Variants in NAALADL2 observed in about 807,000 individuals in gnomAD.
NAALADL2 encodes the protein N-acetylated alpha-linked acidic dipeptidase like 2.
A neutral mutation model predicts 87.2 loss-of-function variants in NAALADL2; 76 were observed. The observed-to-expected ratio is 0.87, with a 90% CI of 0.72 to 1.05. NAALADL2 has a LOEUF of 1.05. Ranked by LOEUF, NAALADL2 falls within the 50% of genes least tolerant of loss-of-function variation. The pLI, the probability that NAALADL2 is intolerant of heterozygous loss-of-function variation, is 0.00. For missense variants in NAALADL2, 1,089 were observed against 945.8 expected (o/e 1.15, Z -1.99); for synonymous variants, 354 against 331.0 (o/e 1.07, Z -0.75).
intron 3 of NAALADL2, among the ~76,000 whole-genome samples, chr3:174,839,124 T>C (rs1461596588): frequency 2.6e-5 from 4 of 152,138 alleles, no homozygotes; most frequent in Admixed American, 2.6e-4. Context: ...CAAAACAGAA[T>C]GGTACTGTTA....
chr3:175,322,895 G>A (rs1019464469), intron 4 of NAALADL2, among the ~76,000 whole-genome samples: 4 of 151,206 alleles, frequency 2.6e-5, no homozygotes, highest in Non-Finnish European at 5.9e-5. Context: ...TGGTGGGACT[G>A]TAAACTAGTT....
chr3:175,579,323 A>G (rs574318650), intron 10 of NAALADL2, among the ~76,000 whole-genome samples: 4 of 152,306 alleles, frequency 2.6e-5, no homozygotes, highest in East Asian at 3.9e-4. Flanking sequence ...AAAATAAACT[A>G]GTGCAATAGA....
At chr3:175,360,568 T>C (rs1764876681) in intron 5 of NAALADL2, among the ~76,000 whole-genome samples, 1 of 152,178 alleles carries the variant, frequency 6.6e-6, no homozygotes. Flanking sequence ...ATATAAGTGT[T>C]GAGATACAGC....
chr3:174,548,924 C>G (rs1181796719), intron 1 of NAALADL2, among the ~76,000 whole-genome samples: 1 of 152,196 alleles, frequency 6.6e-6, no homozygotes, highest in East Asian at 1.9e-4. Flanking sequence ...ACTGCAGCCC[C>G]AATCTCTCTG....
chr3:174,788,640 A>G (rs1200308009), intron 3 of NAALADL2, among the ~76,000 whole-genome samples: 1 of 152,146 alleles, frequency 6.6e-6, no homozygotes, highest in Non-Finnish European at 1.5e-5. Context: ...CTCCAAATAC[A>G]GTAACATTCT....
At chr3:175,617,767 G>A (rs1315716004) in intron 10 of NAALADL2, among the ~76,000 whole-genome samples, 1 of 152,164 alleles carries the variant, frequency 6.6e-6, no homozygotes. Context: ...AACTGAATCA[G>A]GAGCTAGAGA....
In NAALADL2 at chr3:174,980,446, G is replaced by A. The variant is rs373119048; in HGVS notation, c.44-116344G>A. 5.9e-5 allele frequency among the ~76,000 whole-genome samples: 9 copies of A among 152,214 alleles called. No individual in the cohort carries two copies. In the East Asian group the frequency reaches 1.7e-3, roughly 29 times the overall value. On this transcript the variant is annotated intron_variant, in intron 1 of 13. Coordinates refer to ENST00000454872, the MANE Select transcript of NAALADL2 (RefSeq NM_207015.3). The stretch of plus-strand genomic sequence containing the variant: ...ACCCAGGAGTTTGAGGCTGCAGTCT[G>A]CTATGATCAAGCCTGTGAATACCCA...
At chr3:174,904,758 T>C (rs114761915) in intron 1 of NAALADL2, among the ~76,000 whole-genome samples, 2,454 of 151,968 alleles carry the variant, frequency 0.016, 98 homozygotes, top group African/African-American at 0.057. Context: ...GTTCTCATAC[T>C]CTTTATAGCT....
At chr3:174,662,889 A>G (rs112608649) in intron 2 of NAALADL2, among the ~76,000 whole-genome samples, 2 of 152,196 alleles carry the variant, frequency 1.3e-5, no homozygotes, top group African/African-American at 4.8e-5. Context: ...TCATGATGTT[A>G]TCAGTGGGTC....
chr3:175,284,606 G>T (rs796888050), intron 4 of NAALADL2, among the ~76,000 whole-genome samples: 1 of 151,882 alleles, frequency 6.6e-6, no homozygotes, highest in South Asian at 2.1e-4. Flanking sequence ...ACATTCATTT[G>T]GCAGTGACTA....
chr3:175,428,250 A>T (rs1560534706), intron 5 of NAALADL2, among the ~76,000 whole-genome samples: 1 of 152,134 alleles, frequency 6.6e-6, no homozygotes, highest in Non-Finnish European at 1.5e-5. Context: ...TGTACCTTTA[A>T]CAGATAGCTA....
intron 10 of NAALADL2, among the ~76,000 whole-genome samples, chr3:175,625,742 T>C (rs1423450086): frequency 6.6e-6 from 1 of 151,922 alleles, no homozygotes; most frequent in Non-Finnish European, 1.5e-5. Context: ...CATGGTATGA[T>C]CTTGGGCTAG....
intron 1 of NAALADL2, among the ~76,000 whole-genome samples, chr3:174,472,079 C>T (rs1339923272): frequency 6.6e-6 from 1 of 152,080 alleles, no homozygotes; most frequent in Non-Finnish European, 1.5e-5. Context: ...ATTTATTTTT[C>T]CATGTCATCC....
upstream of NAALADL2, among the ~76,000 whole-genome samples, chr3:174,856,065 G>A (rs201357086): frequency 8.6e-5 from 13 of 151,522 alleles, no homozygotes; most frequent in East Asian, 2.5e-3. Flanking sequence ...GGAGTCCAGT[G>A]GTATGATCAT....
rs375387688 is a variant in NAALADL2, at chr3:174,460,794, A to C, written c.-184+19762A>C. Among the ~76,000 whole-genome samples the C allele has an allele frequency of 8.3e-4, 126 of 152,134 alleles. No homozygotes were observed. The South Asian group carries it at 0.022, about 26-fold the overall frequency. Reference sequence around the variant, plus strand: ...TTGTTTGCAAAAATATTAAAATTTTAAATTAGTGTGAGTTTGTTTTGTTGA... The same window carrying C: ...TTGTTTGCAAAAATATTAAAATTTTCAATTAGTGTGAGTTTGTTTTGTTGA... On this transcript the variant is annotated intron_variant, in intron 1 of 3. Transcript: ENST00000434257.
At chr3:175,213,410 CACCAG>C (rs1742052420) in intron 2 of NAALADL2, among the ~76,000 whole-genome samples, 1 of 152,094 alleles carries the variant, frequency 6.6e-6, no homozygotes, top group African/African-American at 2.4e-5. Flanking sequence ...ACCACAGGGT[CACCAG>C]TGTCAGGTCA....
chr3:174,858,791 A>G (rs1255031623), upstream of NAALADL2, among the ~76,000 whole-genome samples: 1 of 151,972 alleles, frequency 6.6e-6, no homozygotes, highest in African/African-American at 2.4e-5. Context: ...TACTAATCAT[A>G]CATACTTCAT....
rs1485400624 is a variant in NAALADL2 at position 175,755,307 on chromosome 3, C to A, written c.2078C>A (p.Pro693His). ...AELFQSDEMRPANDPKERAPI... is the reference protein window; with the variant it reads ...AELFQSDEMRHANDPKERAPI... ...CTTTTTCAGTCTGATGAGATGCGAC[C>A]TGCTAATGATCCCAAGGAGAGAGCA... Residue 693 changes from proline (P) to histidine (H), a missense_variant, in exon 13 of 14, where the codon CCT (proline) becomes CAT (histidine). Physicochemically the swap from Pro to His is moderately conservative, Grantham distance 77. Transcript: ENST00000454872. 5 of 1,613,626 alleles carry A rather than the reference C, an allele frequency of 3.1e-6. No homozygotes were observed.
At position 174,674,519 on chromosome 3, in the gene NAALADL2, T is replaced by C. The variant is rs892367355; in HGVS notation, c.-114-63122T>C. Among the ~76,000 whole-genome samples the C allele has an allele frequency of 3.9e-5, 6 of 152,122 alleles. No individual in the cohort carries two copies. The East Asian group carries it at 9.7e-4, about 25-fold the overall frequency. On this transcript the variant is annotated intron_variant, in intron 2 of 3. Coordinates refer to the NAALADL2 transcript ENST00000434257. ...ACTCAACCACTCTTCCTTTTTTTTTTCCACCTATCTTTATGTCGTCTGTAG... is the reference window on the plus strand; with the variant it reads ...ACTCAACCACTCTTCCTTTTTTTTTCCCACCTATCTTTATGTCGTCTGTAG...
Sources: allele counts gnomAD v4.1 joint callset (sites outside exome capture counted in the v4.1 genomes callset), GRCh38; gene constraint gnomAD v4.1.1; transcripts MANE v1.5; gene names NCBI Gene and HGNC (gene_info 2026-07-23, HGNC 2026-07-21).